The following FAM47E variants were observed in gnomAD, a reference collection of about 807,000 sequenced individuals.
FAM47E encodes the protein family with sequence similarity 47 member E.
Under a neutral mutation model 41.6 loss-of-function variants are expected in FAM47E, and 32 were observed. That is an observed-to-expected ratio of 0.77 (90% CI 0.58 to 1.03). FAM47E has a LOEUF of 1.03. Ranked by LOEUF, FAM47E falls within the 50% of genes least tolerant of loss-of-function variation. FAM47E has a pLI of 0.00. For synonymous variants in FAM47E, 184 were observed against 188.7 expected (o/e 0.98, Z 0.20); for missense variants, 424 against 485.4 (o/e 0.87, Z 1.19).
chr4:76,244,817 C>T (rs1291856376), intron 2 of FAM47E, among the ~76,000 whole-genome samples: 3 of 152,060 alleles, frequency 2.0e-5, no homozygotes, highest in South Asian at 2.1e-4. Flanking sequence ...GGATTACAGG[C>T]GTGAGCCACT....
rs903806576 is a variant in FAM47E at position 76,217,529 on chromosome 4, C to T, written c.-29-50C>T. On this transcript the variant is annotated intron_variant, in intron 1 of 7. Transcript: ENST00000510197. ...ACCTCCTCCTTCTCTCTCTAGCTTC[C>T]TCTCTGCCCATGTGCCTCACACAGG... 6 of 428,284 alleles carry T rather than the reference C, an allele frequency of 1.4e-5. No homozygotes were observed. In the South Asian group the frequency reaches 3.3e-4, roughly 24 times the overall value. 26.5% of individuals were successfully genotyped at this position (428,284 alleles called of 1,614,324 possible).
chr4:76,263,944 A>G (rs1734523075), intron 3 of FAM47E, 101 bp downstream of exon 3: 147 of 1,447,380 alleles, frequency 1.0e-4, no homozygotes, highest in Non-Finnish European at 1.3e-4. Context: ...CTTCTAATGA[A>G]GCAAATGTAA....
intron 7 of FAM47E, chr4:76,281,425 A>G (rs771223897): frequency 6.6e-6 from 1 of 151,950 alleles, no homozygotes; most frequent in Non-Finnish European, 1.5e-5. Context: ...TATATTTAAT[A>G]TACAAATAAC....
At chr4:76,260,520 A>G (rs549045594) in intron 2 of FAM47E, among the ~76,000 whole-genome samples, 1 of 152,220 alleles carries the variant, frequency 6.6e-6, no homozygotes, top group African/African-American at 2.4e-5. Flanking sequence ...TATGCAGAAG[A>G]GTGAAACTGT....
At chr4:76,265,984 C>A (rs1181581644) in intron 3 of FAM47E, among the ~76,000 whole-genome samples, 1 of 152,228 alleles carries the variant, frequency 6.6e-6, no homozygotes, top group African/African-American at 2.4e-5. Flanking sequence ...AGGCTCTTAT[C>A]TCCACCACTC....
chr4:76,269,787 C>CA (rs5859506), intron 4 of FAM47E, among the ~76,000 whole-genome samples: 92,618 of 146,562 alleles, frequency 0.63, 30,737 homozygotes, highest in Non-Finnish European at 0.74. Flanking sequence ...GATCCTGTCT[C>CA]AAAAAAAAAA....
At chr4:76,263,645 TG>T in intron 2 of FAM47E, 58 bp from the exon 3 acceptor site, 1 of 1,526,902 alleles carries the variant, frequency 6.5e-7, no homozygotes, top group Non-Finnish European at 8.8e-7. Context: ...TGTTGTAGAA[TG>T]GGGACTCCCT....
chr4:76,218,404 C>G (rs1274724537), intron 2 of FAM47E, among the ~76,000 whole-genome samples: 1 of 152,194 alleles, frequency 6.6e-6, no homozygotes, highest in Non-Finnish European at 1.5e-5. Context: ...GCTTACATAT[C>G]CCAGAGGAGA....
chr4:76,224,519 T>C (rs1468985076), intron 2 of FAM47E, among the ~76,000 whole-genome samples: 1 of 152,184 alleles, frequency 6.6e-6, no homozygotes, highest in Admixed American at 6.5e-5. Flanking sequence ...TGTTCATACA[T>C]CTTAAAAGGG....
intron 2 of FAM47E, among the ~76,000 whole-genome samples, chr4:76,257,234 C>T (rs1459318172): frequency 1.3e-5 from 2 of 152,122 alleles, no homozygotes; most frequent in African/African-American, 4.8e-5. Flanking sequence ...ACATCTCTTT[C>T]ATCTGACTAC....
At chr4:76,229,536 C>T (rs1473367263) in intron 2 of FAM47E, among the ~76,000 whole-genome samples, 2 of 152,128 alleles carry the variant, frequency 1.3e-5, no homozygotes, top group African/African-American at 4.8e-5. Flanking sequence ...TAGGGTGATC[C>T]CTTGATGTGG....
chr4:76,266,119 T>C (rs1734623174), intron 3 of FAM47E, among the ~76,000 whole-genome samples: 1 of 152,216 alleles, frequency 6.6e-6, no homozygotes, highest in Non-Finnish European at 1.5e-5. Flanking sequence ...CTCTTTCTCA[T>C]AACACTTTCT....
rs559986175 is a variant in FAM47E at position 76,251,834 on chromosome 4, G to A, written c.74+14G>A. ...CTGCAGGTCCAGGTAAACACTCAGC[G>A]CCCGGGCCGAGGGCGCATCCCACGC... On this transcript the variant is annotated intron_variant, in intron 1 of 7. Transcript: ENST00000424749. 133 of 1,433,460 alleles carry A rather than the reference G, an allele frequency of 9.3e-5. No homozygotes were observed. In the East Asian group the frequency reaches 3.4e-3, roughly 36 times the overall value. 88.8% of individuals were successfully genotyped at this position (1,433,460 alleles called of 1,614,324 possible).
intron 6 of FAM47E, chr4:76,279,832 C>T (rs555655781): frequency 6.5e-6 from 1 of 152,760 alleles, no homozygotes; most frequent in East Asian, 1.9e-4. Context: ...ACTTATGCAT[C>T]CAATTTTTAA....
intron 2 of FAM47E, among the ~76,000 whole-genome samples, chr4:76,233,832 T>C (rs1733535149): frequency 1.3e-5 from 2 of 152,100 alleles, no homozygotes; most frequent in South Asian, 4.2e-4. Flanking sequence ...ACCAAAACTT[T>C]GCAGATAATA....
At chr4:76,280,573 T>C (rs1735303049) in intron 7 of FAM47E, 1 of 401,028 alleles carries the variant, frequency 2.5e-6, no homozygotes, top group African/African-American at 2.0e-5. Context: ...TCAGAGATAC[T>C]ATTTCCCTGT....
At chr4:76,254,845 G>C (rs1350650573) in intron 1 of FAM47E, among the ~76,000 whole-genome samples, 1 of 152,176 alleles carries the variant, frequency 6.6e-6, no homozygotes, top group Non-Finnish European at 1.5e-5. Flanking sequence ...GTTGTGTTAG[G>C]TTATTCAGGA....
At chr4:76,277,280 C>T (rs1240322873) in intron 5 of FAM47E, among the ~76,000 whole-genome samples, 1 of 152,038 alleles carries the variant, frequency 6.6e-6, no homozygotes, top group Non-Finnish European at 1.5e-5. Context: ...GTCAGGAGAT[C>T]AAGACCATCC....
At chr4:76,249,457 G>GC (rs1195082160), upstream of FAM47E, among the ~76,000 whole-genome samples, 3 of 152,098 alleles carry the variant, frequency 2.0e-5, no homozygotes, top group African/African-American at 7.2e-5. Context: ...TCTACCTCTT[G>GC]CTTGCTGATA....
Sources: allele counts gnomAD v4.1 joint callset (sites outside exome capture counted in the v4.1 genomes callset), GRCh38; gene constraint gnomAD v4.1.1; transcripts MANE v1.5; gene names NCBI Gene and HGNC (gene_info 2026-07-23, HGNC 2026-07-21).